Variants in CDH17 observed in about 807,000 individuals in gnomAD.
The protein encoded by CDH17 is cadherin-17.
A neutral mutation model predicts 86.3 loss-of-function variants in CDH17; 67 were observed. That is an observed-to-expected ratio of 0.78 (90% CI 0.64 to 0.95). The LOEUF (loss-of-function observed/expected upper bound fraction) is 0.95, where lower values mean the gene tolerates loss of function less well. Ranked by LOEUF, CDH17 falls within the 40% of genes least tolerant of loss-of-function variation. CDH17 has a pLI of 0.00. For synonymous variants in CDH17, 367 were observed against 366.4 expected, an observed-to-expected ratio of 1.00 and a Z score of -0.02; for missense variants, 993 against 1,017.6, an observed-to-expected ratio of 0.98 and a Z score of 0.33.
chr8:94,176,923 G>C (rs901510441), intron 4 of CDH17, among the ~76,000 whole-genome samples: 2 of 152,176 alleles, frequency 1.3e-5, no homozygotes, highest in African/African-American at 4.8e-5. Context: ...ATCTGTTCTG[G>C]ATGGCTGAAG....
upstream of CDH17, among the ~76,000 whole-genome samples, chr8:94,210,215 C>T (rs573946845): frequency 1.9e-5 from 2 of 104,108 alleles, no homozygotes; most frequent in East Asian, 5.4e-4. Context: ...TTCCTTCCAG[C>T]TTTATGCGAG....
At chr8:94,199,265 T>C (rs1349066528) in intron 1 of CDH17, among the ~76,000 whole-genome samples, 1 of 151,858 alleles carries the variant, frequency 6.6e-6, no homozygotes, top group Non-Finnish European at 1.5e-5. Flanking sequence ...GGATATCTTA[T>C]TAATTTGTTC....
At chr8:94,194,554 C>T in intron 2 of CDH17, 81 bp downstream of exon 2, 1 of 906,412 alleles carries the variant, frequency 1.1e-6, no homozygotes. Context: ...TAATAATAGC[C>T]ATTCTTTCCC....
At chr8:94,207,429 C>G (rs1586034201) in intron 1 of CDH17, among the ~76,000 whole-genome samples, 1 of 152,170 alleles carries the variant, frequency 6.6e-6, no homozygotes, top group Admixed American at 6.5e-5. Context: ...TGGCAGCTCT[C>G]TGTTCTGTGC....
intron 3 of CDH17, among the ~76,000 whole-genome samples, chr8:94,188,861 G>A (rs1333093904): frequency 6.6e-6 from 1 of 152,070 alleles, no homozygotes; most frequent in Non-Finnish European, 1.5e-5. Flanking sequence ...AGACAGCCTC[G>A]AGGGTGGATG....
intron 1 of CDH17, among the ~76,000 whole-genome samples, chr8:94,200,348 A>G (rs1813881336): frequency 6.6e-6 from 1 of 152,088 alleles, no homozygotes; most frequent in African/African-American, 2.4e-5. Context: ...ATAGATTTCC[A>G]GAGGATTCTG....
rs564187709 is a variant in CDH17 at position 94,189,203 on chromosome 8, C to A, written c.134G>T (p.Ser45Ile). The change falls in exon 3 of 18, where the codon AGT (serine) becomes ATT (isoleucine). Residue 45 changes from serine (S) to isoleucine (I), a missense_variant. Physicochemically the swap from Ser to Ile is moderately radical, Grantham distance 142. Transcript: ENST00000027335. The part of the protein sequence containing the change: ...TFSIYEGQEP[S>I]QIIFQFKANP... Reference sequence around the variant, plus strand: ...AGCTTTTACCTGGAATATAATTTGACTCGGTTCTTGGCCTTCATAAATAGA... The same window carrying A: ...AGCTTTTACCTGGAATATAATTTGAATCGGTTCTTGGCCTTCATAAATAGA... The A allele has an allele frequency of 1.2e-6, 2 of 1,612,100 alleles. No individual in the cohort carries two copies. Among genetic ancestry groups the A allele is most frequent in the African/African-American group, 2.7e-5 (2 of 74,758 alleles).
chr8:94,139,726 A>C (rs999842038), intron 15 of CDH17, among the ~76,000 whole-genome samples: 3 of 151,828 alleles, frequency 2.0e-5, no homozygotes, highest in Admixed American at 6.6e-5. Flanking sequence ...AACATGGAAA[A>C]ACCCTGTCTC....
chr8:94,181,241 T>G (rs189963468), intron 3 of CDH17, among the ~76,000 whole-genome samples: 2 of 152,084 alleles, frequency 1.3e-5, no homozygotes, highest in South Asian at 2.1e-4. Context: ...ACAGTAATAA[T>G]TGACGATTTC....
chr8:94,165,690 G>T, intron 10 of CDH17, 71 bp downstream of exon 10: 2 of 1,009,528 alleles, frequency 2.0e-6, no homozygotes, highest in Non-Finnish European at 3.2e-6. Context: ...CCAGACATTA[G>T]CGCAGGAAAA....
Position 94,204,668 on chromosome 8 carries a change from G to A in CDH17, c.-21+3815C>T, listed in dbSNP as rs368027617. Among the ~76,000 whole-genome samples the A allele has an allele frequency of 6.0e-4, 91 of 152,238 alleles. 3 individuals carry two copies. The South Asian group carries it at 0.017, about 28-fold the overall frequency. ...ATCCTTTGGGTATATACCCAGTAAT[G>A]GGATTACTAGCATAATTATTCTTAT... On this transcript the variant is annotated intron_variant, in intron 1 of 17. Coordinates refer to ENST00000027335, the MANE Select transcript of CDH17 (RefSeq NM_004063.4).
chr8:94,201,317 C>T (rs1176083375), intron 1 of CDH17, among the ~76,000 whole-genome samples: 1 of 152,070 alleles, frequency 6.6e-6, no homozygotes, highest in Non-Finnish European at 1.5e-5. Flanking sequence ...GTCTCCCTCC[C>T]CCTCAAAAAG....
In CDH17 at chr8:94,162,512, A is replaced by G. The variant is rs555378805; in HGVS notation, c.1283-350T>C. Among the ~76,000 whole-genome samples, 12 of 152,344 alleles carry G rather than the reference A, an allele frequency of 7.9e-5. No individual in the cohort carries two copies. In the South Asian group the frequency reaches 2.3e-3, roughly 29 times the overall value. On this transcript the variant is annotated intron_variant, in intron 10 of 17. Coordinates refer to ENST00000027335, the MANE Select transcript of CDH17 (RefSeq NM_004063.4). ...GACTAGTGAAACTTATGTAATCTTC[A>G]AAGTCCAGAGCAAAACTGTCCTTCC... is the stretch of plus-strand genomic sequence containing the variant.
intron 11 of CDH17, among the ~76,000 whole-genome samples, 178 bp downstream of exon 11, chr8:94,161,908 A>G (rs973686211): frequency 6.6e-6 from 1 of 152,210 alleles, no homozygotes; most frequent in African/African-American, 2.4e-5. Flanking sequence ...GTAATAGTAA[A>G]TGTTATTGTT....
chr8:94,183,875 A>G (rs960895399), intron 3 of CDH17, among the ~76,000 whole-genome samples: 2 of 152,116 alleles, frequency 1.3e-5, no homozygotes, highest in African/African-American at 4.8e-5. Context: ...AAAAAGACAA[A>G]TAACCTGATT....
At chr8:94,136,758 T>G (rs2130575313) in intron 15 of CDH17, among the ~76,000 whole-genome samples, 1 of 152,254 alleles carries the variant, frequency 6.6e-6, no homozygotes, top group African/African-American at 2.4e-5. Flanking sequence ...TCTGCTCTGG[T>G]TTCTCTCCAC....
chr8:94,132,995 C>A (rs1328356428), intron 15 of CDH17, among the ~76,000 whole-genome samples: 4 of 152,090 alleles, frequency 2.6e-5, no homozygotes, highest in Non-Finnish European at 5.9e-5. Context: ...GGTGTTATTT[C>A]TGAGGTCTCT....
At chr8:94,162,379 G>T (rs1813072155) in intron 10 of CDH17, among the ~76,000 whole-genome samples, 1 of 152,186 alleles carries the variant, frequency 6.6e-6, no homozygotes, top group African/African-American at 2.4e-5. Context: ...ATCTAAGAGA[G>T]ATTTTTCTAG....
chr8:94,208,213 T>C (rs538358905), intron 1 of CDH17, among the ~76,000 whole-genome samples: 2 of 152,312 alleles, frequency 1.3e-5, no homozygotes, highest in South Asian at 2.1e-4. Context: ...AATTTCCCCT[T>C]TAATTCCACT....
Sources: allele counts gnomAD v4.1 joint callset (sites outside exome capture counted in the v4.1 genomes callset), GRCh38; gene constraint gnomAD v4.1.1; transcripts MANE v1.5; gene names NCBI Gene and HGNC (gene_info 2026-07-23, HGNC 2026-07-21).